The following TTC21B variants were observed in gnomAD, a reference collection of about 807,000 sequenced individuals.
The protein encoded by TTC21B is tetratricopeptide repeat protein 21B.
Under a neutral mutation model 175.1 loss-of-function variants are expected in TTC21B, and 127 were observed. The observed-to-expected ratio is 0.73, with a 90% CI of 0.63 to 0.84. TTC21B has a LOEUF of 0.84. TTC21B is among the 40% of genes least tolerant of loss of function. The probability of loss-of-function intolerance (pLI) is 0.00; values close to 1 mark genes in which losing one functional copy is unlikely to be tolerated. For synonymous variants in TTC21B, 524 were observed against 524.5 expected (o/e 1.00, Z 0.01); for missense variants, 1,561 against 1,558.3 (o/e 1.00, Z -0.03).
chr2:165,904,448 T>C (rs1685662603), intron 19 of TTC21B, among the ~76,000 whole-genome samples: 1 of 152,156 alleles, frequency 6.6e-6, no homozygotes, highest in Admixed American at 6.5e-5. Context: ...CGCACATGCA[T>C]GCACACACAC....
intron 24 of TTC21B, among the ~76,000 whole-genome samples, chr2:165,889,745 T>C (rs1685126319): frequency 6.6e-6 from 1 of 152,196 alleles, no homozygotes; most frequent in Non-Finnish European, 1.5e-5. Context: ...CTGCTATGAT[T>C]CCTAATAAAC....
intron 18 of TTC21B, 122 bp downstream of exon 18, chr2:165,911,205 G>GC: frequency 1.7e-6 from 2 of 1,178,830 alleles, no homozygotes; most frequent in Non-Finnish European, 2.5e-6. Flanking sequence ...GAAAAAATAC[G>GC]CATGTATTTA....
At chr2:165,913,683 A>G (rs755463825) in intron 15 of TTC21B, 37 bp from the exon 16 acceptor site, 6 of 1,489,104 alleles carry the variant, frequency 4.0e-6, no homozygotes, top group Non-Finnish European at 1.9e-6. Flanking sequence ...CATATTGAAC[A>G]CAGATATCTT....
In TTC21B at chr2:165,923,186, T is replaced by A. The variant is rs116371732; in HGVS notation, c.1516+1363A>T. Among the ~76,000 whole-genome samples, 946 of 152,102 alleles carry A rather than the reference T, an allele frequency of 6.2e-3. 9 individuals are homozygous for A. Among genetic ancestry groups the A allele is most frequent in the African/African-American group, 0.022 (908 of 41,510 alleles). On this transcript the variant is annotated intron_variant, in intron 12 of 28. Coordinates refer to ENST00000243344, the MANE Select transcript of TTC21B (RefSeq NM_024753.5). ...ACTAAAATTCCAGACTTCAGCACTA[T>A]ACAATTCATCCATGTATCCAAAAAC...
chr2:165,936,190 A>T (rs949122545), intron 6 of TTC21B, among the ~76,000 whole-genome samples: 6 of 152,128 alleles, frequency 3.9e-5, no homozygotes, highest in African/African-American at 1.2e-4. Flanking sequence ...TTGACAAAAG[A>T]GCAAGGACAA....
chr2:165,937,771 C>CCACACACACACACA (rs4001021), intron 6 of TTC21B, among the ~76,000 whole-genome samples: 74 of 127,626 alleles, frequency 5.8e-4, no homozygotes, highest in Middle Eastern at 4.1e-3. Flanking sequence ...TATATAGAAA[C>CCACACACACACACA]CACACACACA....
intron 15 of TTC21B, among the ~76,000 whole-genome samples, chr2:165,914,676 T>TGTGTGTGTGTGTGTGTGCACGCGC (rs1553511307): frequency 1.7e-5 from 2 of 118,380 alleles, no homozygotes; most frequent in African/African-American, 8.1e-5. Flanking sequence ...TGTGTGTGTG[T>TGTGTGTGTGTGTGTGTGCACGCGC]GTGTGTGTGT....
At position 165,945,834 on chromosome 2, in the gene TTC21B, C is replaced by CT. The variant is rs201993628; in HGVS notation, c.263-145dup. 0.028 allele frequency: 19,837 copies of CT among 707,268 alleles called. 453 individuals carry two copies. The highest frequency in any genetic ancestry group is 0.056 in the South Asian group (2,514 of 44,566). 43.8% of individuals were successfully genotyped at this position (707,268 alleles called of 1,614,324 possible). ...AATAAAATGCAAGCCATATATGTAA[C>CT]TTAAAATTTTCTAGTAGCACTATCA... On this transcript the variant is annotated intron_variant, in intron 3 of 28. Coordinates refer to ENST00000243344, the MANE Select transcript of TTC21B (RefSeq NM_024753.5).
intron 6 of TTC21B, among the ~76,000 whole-genome samples, chr2:165,934,550 T>C (rs1687052216): frequency 1.4e-5 from 2 of 145,568 alleles, no homozygotes; most frequent in Non-Finnish European, 3.0e-5. Flanking sequence ...ATGGAGAACT[T>C]GTGATAAAAA....
chr2:165,945,706 G>T lies in TTC21B; in HGVS notation c.263-16C>A, dbSNP rs754497511. The T allele has an allele frequency of 2.5e-6, 4 of 1,609,308 alleles. No individual in the cohort carries two copies. The highest frequency in any genetic ancestry group is 2.2e-5 in the South Asian group (2 of 90,308). On this transcript the variant is annotated splice_polypyrimidine_tract_variant and intron_variant, in intron 3 of 28. Coordinates refer to ENST00000243344, the MANE Select transcript of TTC21B (RefSeq NM_024753.5). ...GCTTCTCTATCTGGTAGGGGAAAAT[G>T]ATATTAAATAAAAATTAAATTCTGG...
intron 22 of TTC21B, among the ~76,000 whole-genome samples, chr2:165,894,731 C>T (rs924076970): frequency 5.9e-5 from 9 of 152,158 alleles, no homozygotes; most frequent in African/African-American, 1.9e-4. Flanking sequence ...ATTCACTGAT[C>T]CATTCAACCA....
intron 26 of TTC21B, 99 bp from the exon 27 acceptor site, chr2:165,880,898 A>G (rs1684814382): frequency 2.3e-6 from 3 of 1,284,938 alleles, no homozygotes; most frequent in Non-Finnish European, 3.3e-6. Flanking sequence ...AACCCATTTA[A>G]ATGACAAATC....
chr2:165,926,116 A>G (rs1374072508), intron 11 of TTC21B, among the ~76,000 whole-genome samples: 3 of 152,230 alleles, frequency 2.0e-5, no homozygotes, highest in East Asian at 1.9e-4. Flanking sequence ...TGCCTTTCTG[A>G]TATTTCCCTA....
intron 16 of TTC21B, 26 bp from the exon 17 acceptor site, chr2:165,912,650 A>C (rs1247726757): frequency 1.3e-6 from 2 of 1,579,390 alleles, no homozygotes; most frequent in Non-Finnish European, 1.7e-6. Flanking sequence ...ACAAAAAATA[A>C]GCAATAAAAA....
At chr2:165,898,500 A>G in intron 22 of TTC21B, 186 bp downstream of exon 22, 1 of 643,478 alleles carries the variant, frequency 1.6e-6, no homozygotes, top group South Asian at 1.8e-5. Flanking sequence ...ATTTAAAGTG[A>G]GACCAGTCAA....
chr2:165,904,760 G>A (rs1168067422), intron 19 of TTC21B, among the ~76,000 whole-genome samples: 1 of 152,306 alleles, frequency 6.6e-6, no homozygotes, highest in African/African-American at 2.4e-5. Flanking sequence ...GGGGCTTACA[G>A]ACACAGAATA....
At chr2:165,906,955 C>CAAAA (rs1160627145) in intron 19 of TTC21B, among the ~76,000 whole-genome samples, 13 of 60,236 alleles carry the variant, frequency 2.2e-4, no homozygotes, top group African/African-American at 4.2e-4. Flanking sequence ...AACTCCGTCT[C>CAAAA]AAAAAAAAAA....
At chr2:165,911,998 G>A (rs1316964104) in intron 17 of TTC21B, among the ~76,000 whole-genome samples, 1 of 152,072 alleles carries the variant, frequency 6.6e-6, no homozygotes, top group African/African-American at 2.4e-5. Context: ...AGTAGATAAA[G>A]AACGGTACTT....
At position 165,949,418 on chromosome 2, in the gene TTC21B, C is replaced by G; in HGVS notation, c.238G>C (p.Ala80Pro). ...CCTGGATTAGGACTCATTTTATGGG[C>G]ATATATCAGTGCAAGTAGAGAACAA... ...SLCSLLALIY[A>P]HKMSPNPDRE... The change falls in exon 3 of 29, where the codon GCC becomes CCC. Residue 80 changes from alanine to proline, a missense_variant. Coordinates refer to ENST00000243344, the MANE Select transcript of TTC21B (RefSeq NM_024753.5). 1.2e-6 allele frequency: 2 copies of G among 1,612,634 alleles called. No individual in the cohort carries two copies. Among genetic ancestry groups the G allele is most frequent in the African/African-American group, 1.3e-5 (1 of 74,970 alleles).
Sources: gnomAD v4.1 joint callset for allele counts (sites outside exome capture counted in the v4.1 genomes callset) on GRCh38, gnomAD v4.1.1 for gene constraint, MANE v1.5 for transcripts, NCBI Gene and HGNC (gene_info 2026-07-23, HGNC 2026-07-21) for gene names.